Variants in CSMD2 observed in about 807,000 individuals in gnomAD.
CSMD2 encodes CUB and sushi domain-containing protein 2.
CSMD2 carries 130 observed loss-of-function variants against 398.5 expected under a neutral mutation model. That is an observed-to-expected ratio of 0.33 (90% CI 0.28 to 0.38). The LOEUF is 0.38. Ranked by LOEUF, CSMD2 falls within the 10% of genes least tolerant of loss-of-function variation. The pLI is 1.00. For missense variants in CSMD2, 3,829 were observed against 4,764.9 expected (o/e 0.80, Z 5.78); for synonymous variants, 1,828 against 1,908.5 (o/e 0.96, Z 1.10).
chr1:33,708,786 G>C (rs1281402782), intron 22 of CSMD2, among the ~76,000 whole-genome samples: 2 of 151,954 alleles, frequency 1.3e-5, no homozygotes, highest in Non-Finnish European at 2.9e-5. Context: ...ATTTTTTGTA[G>C]AGATGGGGCT....
chr1:33,879,062 G>A lies in CSMD2; in HGVS notation c.921-32066C>T, dbSNP rs569223631. ...ACCAACACAATCAAAGAGTTCTCTCGGCTGGAGGTTCCAACTGGAATGTGT... is the reference window on the plus strand; with the variant it reads ...ACCAACACAATCAAAGAGTTCTCTCAGCTGGAGGTTCCAACTGGAATGTGT... On this transcript the variant is annotated intron_variant, in intron 5 of 70. Coordinates refer to ENST00000373381, the MANE Select transcript of CSMD2 (RefSeq NM_001281956.2). Among the ~76,000 whole-genome samples, 51 of 152,294 alleles carry A rather than the reference G, an allele frequency of 3.3e-4. No homozygotes were observed. In the Middle Eastern group the frequency reaches 0.014, roughly 41 times the overall value.
chr1:33,935,257 A>G (rs1334131127), intron 4 of CSMD2, among the ~76,000 whole-genome samples: 1 of 151,958 alleles, frequency 6.6e-6, no homozygotes, highest in Non-Finnish European at 1.5e-5. Flanking sequence ...CATAGAAGAG[A>G]GGTGTTTTTC....
intron 6 of CSMD2, among the ~76,000 whole-genome samples, chr1:33,830,779 T>G (rs1423121779): frequency 6.6e-6 from 1 of 152,290 alleles, no homozygotes; most frequent in South Asian, 2.1e-4. Flanking sequence ...TTTAGAAGAA[T>G]GTATAACTAG....
At chr1:33,632,530 A>G (rs1642524152) in intron 32 of CSMD2, among the ~76,000 whole-genome samples, 1 of 152,210 alleles carries the variant, frequency 6.6e-6, no homozygotes, top group African/African-American at 2.4e-5. Flanking sequence ...AACTAGTAAT[A>G]AAACAAGGCA....
intron 3 of CSMD2, among the ~76,000 whole-genome samples, chr1:33,941,454 T>C (rs1644672465): frequency 6.6e-6 from 1 of 152,322 alleles, no homozygotes; most frequent in Admixed American, 6.5e-5. Flanking sequence ...GGTAGGCTAG[T>C]TGGGAAGAAG....
intron 6 of CSMD2, among the ~76,000 whole-genome samples, chr1:33,842,401 C>T (rs1466677642): frequency 6.6e-6 from 1 of 152,208 alleles, no homozygotes; most frequent in African/African-American, 2.4e-5. Context: ...TCATTAACAA[C>T]TTCTGATCAC....
At chr1:34,143,140 G>A (rs574696788) in intron 1 of CSMD2, among the ~76,000 whole-genome samples, 4 of 152,062 alleles carry the variant, frequency 2.6e-5, no homozygotes, top group Admixed American at 2.6e-4. Context: ...GGGGTCTGGA[G>A]CCCACTGAAT....
At chr1:34,119,912 T>G (rs1325163390) in intron 1 of CSMD2, among the ~76,000 whole-genome samples, 2 of 152,206 alleles carry the variant, frequency 1.3e-5, no homozygotes, top group Non-Finnish European at 2.9e-5. Context: ...ACAACCTATT[T>G]CTGGGTCTAT....
intron 1 of CSMD2, among the ~76,000 whole-genome samples, chr1:34,100,222 T>C (rs1659814125): frequency 6.6e-6 from 1 of 152,202 alleles, no homozygotes; most frequent in Non-Finnish European, 1.5e-5. Flanking sequence ...TGCATAGATA[T>C]GCACATACGC....
chr1:33,768,007 TGTTA>T (rs1325534478), intron 13 of CSMD2, among the ~76,000 whole-genome samples: 2 of 152,244 alleles, frequency 1.3e-5, no homozygotes, highest in African/African-American at 2.4e-5. Flanking sequence ...ATGACCATCG[TGTTA>T]GTTATATTTC....
At chr1:34,007,173 T>C (rs1361964133) in intron 3 of CSMD2, among the ~76,000 whole-genome samples, 2 of 151,986 alleles carry the variant, frequency 1.3e-5, no homozygotes, top group African/African-American at 4.8e-5. Flanking sequence ...TCCCTCTCTG[T>C]CTCCAGGACT....
chr1:33,814,489 C>T (rs1657231541), intron 9 of CSMD2, among the ~76,000 whole-genome samples: 2 of 152,244 alleles, frequency 1.3e-5, no homozygotes, highest in South Asian at 4.1e-4. Context: ...TCTCCCCTTA[C>T]TCTTAGCCGA....
chr1:33,543,209 T>C (rs1656531406), intron 57 of CSMD2, among the ~76,000 whole-genome samples: 1 of 152,242 alleles, frequency 6.6e-6, no homozygotes. Flanking sequence ...TTTCCTCAGT[T>C]GTTTTTCTCT....
At chr1:34,060,714 C>T (rs1199671506) in intron 2 of CSMD2, among the ~76,000 whole-genome samples, 1 of 151,828 alleles carries the variant, frequency 6.6e-6, no homozygotes, top group African/African-American at 2.4e-5. Flanking sequence ...TTAAATTCTC[C>T]AGATGCCATA....
At chr1:33,991,812 C>T (rs970903821) in intron 3 of CSMD2, among the ~76,000 whole-genome samples, 15 of 151,300 alleles carry the variant, frequency 9.9e-5, no homozygotes, top group African/African-American at 3.2e-4. Context: ...AAAAGACAGC[C>T]ATAACATATA....
chr1:33,728,862 G>A (rs1046824203), intron 15 of CSMD2, among the ~76,000 whole-genome samples: 4 of 152,148 alleles, frequency 2.6e-5, no homozygotes, highest in Non-Finnish European at 5.9e-5. Context: ...ATTACATAGA[G>A]CTATATCAAA....
At chr1:33,880,527 A>G (rs1641164209) in intron 5 of CSMD2, among the ~76,000 whole-genome samples, 1 of 152,246 alleles carries the variant, frequency 6.6e-6, no homozygotes, top group South Asian at 2.1e-4. Flanking sequence ...AAAACTATTT[A>G]CATTAAAGTG....
intron 41 of CSMD2, among the ~76,000 whole-genome samples, chr1:33,608,352 G>A (rs1640770766): frequency 1.3e-5 from 2 of 152,200 alleles, no homozygotes; most frequent in African/African-American, 4.8e-5. Flanking sequence ...AAGGCACAGT[G>A]CACGGGGTGG....
intron 45 of CSMD2, 88 bp from the exon 46 acceptor site, chr1:33,586,705 C>T (rs12727575): frequency 0.31 from 254,419 of 816,160 alleles, 43,311 homozygotes; most frequent in Non-Finnish European, 0.36. Context: ...TAATCAGAGG[C>T]GGGTCATGTT....
Sources: allele counts gnomAD v4.1 joint callset (sites outside exome capture counted in the v4.1 genomes callset), GRCh38; gene constraint gnomAD v4.1.1; transcripts MANE v1.5; gene names NCBI Gene and HGNC (gene_info 2026-07-23, HGNC 2026-07-21).